Variants in MANBA observed in about 807,000 individuals in gnomAD.
MANBA encodes the protein beta-mannosidase.
MANBA carries 83 observed loss-of-function variants against 111.1 expected under a neutral mutation model. The ratio of observed to expected loss-of-function variants is 0.75; its 90% CI spans 0.63 to 0.90. MANBA has a LOEUF of 0.90. Ranked by LOEUF, MANBA falls within the 40% of genes least tolerant of loss-of-function variation. MANBA has a pLI of 0.00. For synonymous variants in MANBA, 370 were observed against 378.7 expected (o/e 0.98, Z 0.27); for missense variants, 1,036 against 1,069.0 (o/e 0.97, Z 0.43).
At chr4:102,729,067 C>T (rs1457900121) in intron 1 of MANBA, 3 of 787,204 alleles carry the variant, frequency 3.8e-6, no homozygotes, top group East Asian at 2.6e-5. Context: ...CAAGCAGTTG[C>T]CATGCCATGT....
At chr4:102,663,779 TAAAC>T (rs1166567456) in intron 11 of MANBA, among the ~76,000 whole-genome samples, 7 of 152,218 alleles carry the variant, frequency 4.6e-5, no homozygotes, top group South Asian at 2.1e-4. Flanking sequence ...AATCACATGT[TAAAC>T]AAAGTTTTTC....
chr4:102,668,660 T>G, intron 10 of MANBA: 1 of 373,174 alleles, frequency 2.7e-6, no homozygotes, highest in Non-Finnish European at 5.1e-6. Context: ...GTTTAGTTTG[T>G]ACATGTTACA....
At chr4:102,682,931 A>ATAGTTT (rs1732049726) in intron 7 of MANBA, 1 of 152,162 alleles carries the variant, frequency 6.6e-6, no homozygotes, top group Admixed American at 6.5e-5. Context: ...AATTTGTAAT[A>ATAGTTT]ATAGACCTAG....
At chr4:102,747,567 A>G (rs1028688309) in intron 1 of MANBA, among the ~76,000 whole-genome samples, 4 of 152,098 alleles carry the variant, frequency 2.6e-5, no homozygotes, top group African/African-American at 9.7e-5. Context: ...AACCATCACA[A>G]TGTTTCATTC....
intron 7 of MANBA, among the ~76,000 whole-genome samples, chr4:102,680,378 A>G (rs1731907542): frequency 6.6e-6 from 1 of 152,232 alleles, no homozygotes. Flanking sequence ...CGCACACAGC[A>G]GAGAGAAATG....
chr4:102,684,671 C>T (rs1342408143), intron 7 of MANBA, among the ~76,000 whole-genome samples: 1 of 152,094 alleles, frequency 6.6e-6, no homozygotes, highest in Non-Finnish European at 1.5e-5. Flanking sequence ...GCTCCAAGAC[C>T]CCCAGTAGGT....
chr4:102,634,831 G>T lies in MANBA; in HGVS notation c.2372C>A (p.Ser791Tyr), dbSNP rs1729544367. The change falls in exon 16 of 17, where the codon TCC becomes TAC. Residue 791 changes from serine (S) to tyrosine (Y), a missense_variant. By Grantham distance (144) the Ser-to-Tyr change is moderately radical. Transcript: ENST00000647097. ...LLSPTNYHFL[S>Y]SPKEAVGLCK... ...GAGCCCCACGGCCTCCTTCGGTGAG[G>T]ACAAGAAGTGGTAGTTGGTCGGGCT... 1 of 1,614,086 alleles carries T rather than the reference G, an allele frequency of 6.2e-7. No homozygotes were observed. The highest frequency in any genetic ancestry group is 2.2e-5 in the East Asian group (1 of 44,898).
intron 12 of MANBA, among the ~76,000 whole-genome samples, chr4:102,653,224 A>G (rs1182594440): frequency 1.3e-3 from 8 of 6,326 alleles, no homozygotes; most frequent in Admixed American, 6.2e-3. Flanking sequence ...CTACATGCAC[A>G]CACACACACA....
At chr4:102,756,797 T>TAAAAAAAAAAA (rs35787338) in intron 1 of MANBA, among the ~76,000 whole-genome samples, 1 of 72,006 alleles carries the variant, frequency 1.4e-5, no homozygotes. Flanking sequence ...AGAGACTATC[T>TAAAAAAAAAAA]AAAAAAAAAA....
rs145830946 is a variant in MANBA, at chr4:102,718,490, T to G, written c.550-3929A>C. On this transcript the variant is annotated intron_variant, in intron 4 of 16. Coordinates refer to ENST00000647097, the MANE Select transcript of MANBA (RefSeq NM_005908.4). ...AATATAACTTTTAGGAGAACAAGGA[T>G]GTGGATAAAGAGACTTACAAGGAAC... Among the ~76,000 whole-genome samples the G allele has an allele frequency of 8.0e-4, 122 of 152,202 alleles. 1 individual carries two copies. In the East Asian group the frequency reaches 0.019, roughly 24 times the overall value.
At chr4:102,729,172 G>A in intron 1 of MANBA, 2 of 722,350 alleles carry the variant, frequency 2.8e-6, no homozygotes, top group Non-Finnish European at 5.1e-6. Flanking sequence ...ATCTGTGATG[G>A]TGCCCTCCAG....
chr4:102,749,885 AG>A lies in MANBA; in HGVS notation c.177+10832del, dbSNP rs1262192927. Among the ~76,000 whole-genome samples the A allele has an allele frequency of 5.3e-5, 8 of 152,374 alleles. No individual in the cohort carries two copies. In the South Asian group the frequency reaches 1.2e-3, roughly 24 times the overall value. On this transcript the variant is annotated intron_variant, in intron 1 of 16. Transcript: ENST00000647097. ...ACGCTTACCTAAAAATTTAGCTCTC[AG>A]GTGGTCCTTTGATTTTCAGTTCGGG...
chr4:102,691,649 G>A (rs1259297549), intron 5 of MANBA, among the ~76,000 whole-genome samples: 11 of 151,996 alleles, frequency 7.2e-5, no homozygotes, highest in African/African-American at 2.7e-4. Context: ...GGCACTATAG[G>A]CATGTGCCAC....
chr4:102,751,336 A>G (rs1453211317), intron 1 of MANBA: 6 of 350,370 alleles, frequency 1.7e-5, no homozygotes, highest in Non-Finnish European at 3.4e-5. Context: ...GCCTCTTTGT[A>G]GTTAAGAGAC....
At position 102,689,632 on chromosome 4, in the gene MANBA, T is replaced by C. The variant is rs1370891183; in HGVS notation, c.902A>G (p.Tyr301Cys). The C allele has an allele frequency of 6.2e-7, 1 of 1,612,030 alleles. No homozygotes were observed. Among genetic ancestry groups the C allele is most frequent in the South Asian group, 1.1e-5 (1 of 90,996 alleles). ...CAGTTCAAAAAGAACAGTCATGTTGTACCCAGTCTGGTTTCCATGTCCATG... is the reference window on the plus strand; with the variant it reads ...CAGTTCAAAAAGAACAGTCATGTTGCACCCAGTCTGGTTTCCATGTCCATG... ...WPHGHGNQTG[Y>C]NMTVLFELDG... The change falls in exon 7 of 17, where the codon TAC becomes TGC. Residue 301 changes from tyrosine (Y) to cysteine (C), a missense_variant. Tyr to Cys is a radical substitution (Grantham distance 194). Transcript: ENST00000647097.
chr4:102,640,748 G>A (rs73834871), intron 13 of MANBA, among the ~76,000 whole-genome samples: 3,114 of 152,178 alleles, frequency 0.02, 93 homozygotes, highest in African/African-American at 0.069. Context: ...AGACTAAGTC[G>A]AGACGCTTTC....
intron 9 of MANBA, among the ~76,000 whole-genome samples, chr4:102,670,154 C>CAA (rs70937560): frequency 4.2e-4 from 45 of 107,838 alleles, no homozygotes; most frequent in African/African-American, 9.7e-4. Context: ...GACTCCATAT[C>CAA]AAAAAAAAAA....
At chr4:102,731,727 T>C (rs1043664197) in intron 1 of MANBA, among the ~76,000 whole-genome samples, 6 of 152,146 alleles carry the variant, frequency 3.9e-5, no homozygotes, top group African/African-American at 1.4e-4. Context: ...GGAGACCATC[T>C]GGCCCTCGAG....
intron 1 of MANBA, chr4:102,729,489 A>G: frequency 9.5e-7 from 1 of 1,052,724 alleles, no homozygotes; most frequent in African/African-American, 1.5e-5. Context: ...TCTCCTCTTC[A>G]TACAGCTGCT....
Sources: allele counts gnomAD v4.1 joint callset (sites outside exome capture counted in the v4.1 genomes callset), GRCh38; gene constraint gnomAD v4.1.1; transcripts MANE v1.5; gene names NCBI Gene and HGNC (gene_info 2026-07-23, HGNC 2026-07-21).